ALPK2: variants seen among roughly 807,000 people sequenced by gnomAD.
ALPK2 encodes the protein alpha kinase 2.
A neutral mutation model predicts 163.1 loss-of-function variants in ALPK2; 127 were observed. The ratio of observed to expected loss-of-function variants is 0.78; its 90% CI spans 0.67 to 0.90. ALPK2 has a LOEUF of 0.90. Ranked by LOEUF, ALPK2 falls within the 40% of genes least tolerant of loss-of-function variation. ALPK2 has a pLI of 0.00. For missense variants in ALPK2, 2,360 were observed against 2,589.6 expected (o/e 0.91, Z 1.92); for synonymous variants, 953 against 959.1 (o/e 0.99, Z 0.12).
intron 3 of ALPK2, among the ~76,000 whole-genome samples, chr18:58,594,165 C>A (rs563216008): frequency 6.6e-6 from 1 of 152,062 alleles, no homozygotes; most frequent in Non-Finnish European, 1.5e-5. Context: ...GCATGGGGAG[C>A]GGTTTCCTGG....
chr18:58,590,439 G>A (rs773712257), intron 3 of ALPK2, among the ~76,000 whole-genome samples: 3 of 152,146 alleles, frequency 2.0e-5, no homozygotes, highest in Admixed American at 1.3e-4. Flanking sequence ...GGCTGCGAAT[G>A]TTTTGAGCCT....
chr18:58,503,865 C>A, intron 11 of ALPK2, 66 bp downstream of exon 11: 2 of 1,478,984 alleles, frequency 1.4e-6, no homozygotes, highest in Non-Finnish European at 1.9e-6. Flanking sequence ...TCCCCTCCCT[C>A]TCCACCCACA....
In ALPK2 at chr18:58,535,230, A is replaced by G; in HGVS notation, c.4957T>C (p.Leu1653=). Residue 1653 remains leucine (L), a synonymous_variant, in exon 5 of 13, where the codon TTG becomes CTG. Transcript: ENST00000361673. ...TCACGTTCTCCTGAAATAAATGCCA[A>G]GGTCTTCGCTGAGGAGCTAGATGAG... ...PSSSSSSAKT[L]AFISGERELE... is the part of the protein sequence containing the mutation. 1.9e-6 allele frequency: 3 copies of G among 1,614,126 alleles called. No individual in the cohort carries two copies. In the South Asian group the frequency reaches 3.3e-5, roughly 18 times the overall value.
intron 2 of ALPK2, among the ~76,000 whole-genome samples, chr18:58,611,268 A>G (rs2052129229): frequency 1.1e-5 from 1 of 94,834 alleles, no homozygotes; most frequent in Non-Finnish European, 2.0e-5. Context: ...ACAGAGAAAG[A>G]CTCCATCTCA....
chr18:58,557,564 T>G (rs1238725934), intron 4 of ALPK2, among the ~76,000 whole-genome samples: 1 of 152,098 alleles, frequency 6.6e-6, no homozygotes, highest in Non-Finnish European at 1.5e-5. Flanking sequence ...AATTTCTCTG[T>G]GAACCTAAAA....
At chr18:58,492,673 A>C (rs1248777751) in intron 12 of ALPK2, among the ~76,000 whole-genome samples, 2 of 152,188 alleles carry the variant, frequency 1.3e-5, no homozygotes, top group Admixed American at 6.5e-5. Flanking sequence ...CTGGATGACA[A>C]GCGATGCAGC....
chr18:58,609,158 C>A (rs1237208236), intron 2 of ALPK2, among the ~76,000 whole-genome samples: 2 of 144,964 alleles, frequency 1.4e-5, no homozygotes, highest in Non-Finnish European at 3.0e-5. Context: ...GCCATGAATG[C>A]GCTTTTTTGG....
At chr18:58,624,449 C>CTTTTTTTTTTTTTTTTTTTTTT (rs60271669) in intron 1 of ALPK2, among the ~76,000 whole-genome samples, 2 of 127,312 alleles carry the variant, frequency 1.6e-5, no homozygotes, top group African/African-American at 2.9e-5. Context: ...TGATTTCTTT[C>CTTTTTTTTTTTTTTTTTTTTTT]TTTTTTTTTT....
At chr18:58,596,403 G>A (rs1017399542) in intron 3 of ALPK2, among the ~76,000 whole-genome samples, 2 of 152,346 alleles carry the variant, frequency 1.3e-5, no homozygotes, top group Middle Eastern at 3.4e-3. Flanking sequence ...GGCAAGCAGG[G>A]CACCCTGCAC....
chr18:58,493,592 G>A (rs1247679206), intron 12 of ALPK2, among the ~76,000 whole-genome samples: 1 of 152,068 alleles, frequency 6.6e-6, no homozygotes, highest in African/African-American at 2.4e-5. Context: ...CTTTTCTCCT[G>A]TTCATGGCCA....
chr18:58,621,688 C>T (rs2052201230), intron 1 of ALPK2, among the ~76,000 whole-genome samples: 1 of 152,040 alleles, frequency 6.6e-6, no homozygotes, highest in African/African-American at 2.4e-5. Context: ...CTTGGTTGCT[C>T]CTGGAAGGAG....
chr18:58,537,323 T>G lies in ALPK2; in HGVS notation c.2864A>C (p.Gln955Pro), dbSNP rs2144148457. The G allele has an allele frequency of 6.2e-7, 1 of 1,614,120 alleles. No individual in the cohort carries two copies. Among genetic ancestry groups the G allele is most frequent in the East Asian group, 2.2e-5 (1 of 44,862 alleles). ...LLSSENNPLV[Q>P]FKEGGDKSPS... ...GCTCTTGTCACCTCCTTCTTTAAAT[T>G]GCACTAAAGGATTGTTCTCAGAAGA... Residue 955 changes from glutamine (Q) to proline (P), a missense_variant, in exon 5 of 13, where the codon CAA (glutamine) becomes CCA (proline). Transcript: ENST00000361673.
chr18:58,559,672 G>A (rs1275350058), intron 4 of ALPK2, among the ~76,000 whole-genome samples: 1 of 152,164 alleles, frequency 6.6e-6, no homozygotes, highest in Non-Finnish European at 1.5e-5. Flanking sequence ...GTCCCCAAGT[G>A]TGATACTCTC....
intron 4 of ALPK2, among the ~76,000 whole-genome samples, chr18:58,550,482 A>G (rs2051748181): frequency 1.2e-5 from 1 of 83,894 alleles, no homozygotes; most frequent in South Asian, 3.9e-4. Flanking sequence ...ATCATATATG[A>G]CTCTACCCCC....
chr18:58,606,467 C>T (rs1031035897), intron 3 of ALPK2, among the ~76,000 whole-genome samples: 2 of 152,192 alleles, frequency 1.3e-5, no homozygotes, highest in Non-Finnish European at 2.9e-5. Flanking sequence ...CTTCTACAAG[C>T]ATTACATTCT....
intron 10 of ALPK2, among the ~76,000 whole-genome samples, chr18:58,508,548 C>T (rs113487773): frequency 5.3e-5 from 8 of 152,184 alleles, no homozygotes; most frequent in East Asian, 1.9e-4. Context: ...ACCAAGATGG[C>T]GACAAGAATG....
intron 3 of ALPK2, among the ~76,000 whole-genome samples, chr18:58,581,926 C>T (rs903072364): frequency 4.6e-5 from 7 of 152,348 alleles, no homozygotes; most frequent in African/African-American, 1.7e-4. Context: ...CTCTTCCCCA[C>T]TGAAGGGACC....
intron 4 of ALPK2, among the ~76,000 whole-genome samples, chr18:58,550,420 CA>C (rs2051746851): frequency 8.3e-6 from 1 of 120,708 alleles, no homozygotes; most frequent in Non-Finnish European, 1.7e-5. Flanking sequence ...CCATTTCCAT[CA>C]TATATGACTC....
intron 4 of ALPK2, among the ~76,000 whole-genome samples, chr18:58,572,787 G>A (rs541946793): frequency 3.5e-4 from 53 of 152,298 alleles, no homozygotes; most frequent in African/African-American, 1.1e-3. Context: ...GAATTGTTCC[G>A]TATCTTGACT....
Sources: gnomAD v4.1 joint callset for allele counts (sites outside exome capture counted in the v4.1 genomes callset) on GRCh38, gnomAD v4.1.1 for gene constraint, MANE v1.5 for transcripts, NCBI Gene and HGNC (gene_info 2026-07-23, HGNC 2026-07-21) for gene names.